Variants in EIF2B3 observed in about 807,000 individuals in gnomAD.
EIF2B3 encodes the protein translation initiation factor eIF2B subunit gamma.
Under a neutral mutation model 54.1 loss-of-function variants are expected in EIF2B3, and 20 were observed. That is an observed-to-expected ratio of 0.37 (90% confidence interval 0.26 to 0.54). The LOEUF is 0.54. Among genes scored for constraint, EIF2B3 ranks in the 20% least tolerant of loss-of-function variants. The probability of loss-of-function intolerance (pLI) is 0.86; values close to 1 mark genes in which losing one functional copy is unlikely to be tolerated. For synonymous variants in EIF2B3, 153 were observed against 188.1 expected, an observed-to-expected ratio of 0.81 and a Z score of 1.52; for missense variants, 448 against 547.8, an observed-to-expected ratio of 0.82 and a Z score of 1.82.
chr1:44,880,926 C>T (rs920269426), intron 7 of EIF2B3, among the ~76,000 whole-genome samples: 1 of 151,506 alleles, frequency 6.6e-6, no homozygotes, highest in Non-Finnish European at 1.5e-5. Context: ...GCGCCACTGC[C>T]CTCCAGCCTG....
chr1:44,962,122 G>A (rs1425234634), intron 3 of EIF2B3, among the ~76,000 whole-genome samples: 3 of 152,062 alleles, frequency 2.0e-5, no homozygotes, highest in African/African-American at 7.2e-5. Flanking sequence ...AACCTGGGAG[G>A]CAGAGGTTGC....
chr1:44,952,075 G>A (rs534604287), intron 3 of EIF2B3, among the ~76,000 whole-genome samples: 2 of 128,608 alleles, frequency 1.6e-5, no homozygotes, highest in South Asian at 5.1e-4. Context: ...CCATTCTCCT[G>A]CCTCAGCCTC....
chr1:44,957,101 C>G (rs1342858466), intron 3 of EIF2B3, among the ~76,000 whole-genome samples: 2 of 151,770 alleles, frequency 1.3e-5, no homozygotes, highest in Middle Eastern at 3.2e-3. Flanking sequence ...CCTGTCTCCA[C>G]AAAAAAGAAA....
intron 7 of EIF2B3, 152 bp from the exon 8 acceptor site, chr1:44,880,160 C>G (rs1057238925): frequency 3.8e-5 from 30 of 799,764 alleles, no homozygotes; most frequent in Non-Finnish European, 6.0e-5. Context: ...AAGGGATCCT[C>G]CCACCTCAGC....
chr1:44,865,590 T>C (rs536339545), intron 10 of EIF2B3, among the ~76,000 whole-genome samples: 62 of 152,222 alleles, frequency 4.1e-4, no homozygotes, highest in Non-Finnish European at 6.2e-4. Context: ...CAACTTTTTT[T>C]TTTTTTCCAA....
chr1:44,981,781 C>T (rs1644515983), intron 1 of EIF2B3, among the ~76,000 whole-genome samples: 1 of 151,556 alleles, frequency 6.6e-6, no homozygotes, highest in African/African-American at 2.4e-5. Flanking sequence ...ACCAAAAATA[C>T]AAAAAATTAG....
In EIF2B3 at chr1:44,874,836, G is replaced by A; in HGVS notation, c.1054-10C>T. On this transcript the variant is annotated splice_polypyrimidine_tract_variant and intron_variant, in intron 9 of 11. Coordinates refer to ENST00000360403, the MANE Select transcript of EIF2B3 (RefSeq NM_020365.5). The stretch of plus-strand genomic sequence containing the variant: ...GGCTGTCAACTCCAACCTGTAAAAG[G>A]CAAAATATAAAACTCTGTCCACCCA... 6.2e-7 allele frequency: 1 copy of A among 1,613,996 alleles called. No individual in the cohort carries two copies. Among genetic ancestry groups the A allele is most frequent in the Non-Finnish European group, 8.5e-7 (1 of 1,179,996 alleles).
At chr1:44,896,148 C>T (rs1655962448) in intron 6 of EIF2B3, among the ~76,000 whole-genome samples, 1 of 152,142 alleles carries the variant, frequency 6.6e-6, no homozygotes, top group Non-Finnish European at 1.5e-5. Context: ...TATCATTGAT[C>T]CCATGGTTGA....
At chr1:44,935,774 T>A (rs1194839052) in intron 4 of EIF2B3, among the ~76,000 whole-genome samples, 1 of 152,216 alleles carries the variant, frequency 6.6e-6, no homozygotes, top group Non-Finnish European at 1.5e-5. Flanking sequence ...CTGCTGGGAT[T>A]ATAGGCGTGA....
intron 4 of EIF2B3, chr1:44,932,273 A>ACCT (rs916488782): frequency 2.0e-5 from 3 of 152,336 alleles, no homozygotes; most frequent in African/African-American, 7.2e-5. Flanking sequence ...CCAGCACAGT[A>ACCT]AGACAAGAAA....
intron 5 of EIF2B3, among the ~76,000 whole-genome samples, chr1:44,920,693 A>C (rs941818952): frequency 3.3e-5 from 5 of 152,206 alleles, no homozygotes; most frequent in Non-Finnish European, 5.9e-5. Context: ...CTCCAGTTCC[A>C]TCCATGTTGT....
intron 8 of EIF2B3, among the ~76,000 whole-genome samples, chr1:44,877,759 T>C (rs893920927): frequency 1.3e-5 from 2 of 152,186 alleles, no homozygotes; most frequent in Non-Finnish European, 2.9e-5. Flanking sequence ...GTAGTGCGCC[T>C]GTCTATGATT....
intron 5 of EIF2B3, among the ~76,000 whole-genome samples, chr1:44,921,746 G>A (rs1557686452): frequency 6.6e-6 from 1 of 152,006 alleles, no homozygotes; most frequent in Admixed American, 6.6e-5. Context: ...ACTGACCTAT[G>A]TGTCTGTTTT....
intron 5 of EIF2B3, among the ~76,000 whole-genome samples, chr1:44,925,492 AG>A (rs1371328296): frequency 6.6e-6 from 1 of 152,192 alleles, no homozygotes; most frequent in Non-Finnish European, 1.5e-5. Flanking sequence ...GTGGGTAGCA[AG>A]GCCTTGCGGG....
chr1:44,875,547 G>A (rs970635438), intron 9 of EIF2B3, 71 bp downstream of exon 9: 7 of 1,464,596 alleles, frequency 4.8e-6, no homozygotes, highest in African/African-American at 2.8e-5. Flanking sequence ...GCCTCAATCC[G>A]GCTTCTCAAA....
intron 10 of EIF2B3, among the ~76,000 whole-genome samples, chr1:44,874,089 A>T (rs1655047373): frequency 6.7e-6 from 1 of 150,210 alleles, no homozygotes; most frequent in African/African-American, 2.5e-5. Flanking sequence ...GTTGGTGCTC[A>T]AAAGTTTCGG....
chr1:44,858,402 C>A (rs1654503740), intron 10 of EIF2B3, among the ~76,000 whole-genome samples: 1 of 152,048 alleles, frequency 6.6e-6, no homozygotes, highest in Admixed American at 6.6e-5. Context: ...CCTAGGACAT[C>A]AACTCTGGAA....
chr1:44,934,292 G>A (rs960655295), intron 4 of EIF2B3, among the ~76,000 whole-genome samples: 1 of 151,914 alleles, frequency 6.6e-6, no homozygotes, highest in African/African-American at 2.4e-5. Flanking sequence ...CAGCTACTCG[G>A]GAGGCTGAGG....
intron 3 of EIF2B3, among the ~76,000 whole-genome samples, chr1:44,953,261 A>C (rs1223040619): frequency 1.3e-5 from 2 of 149,318 alleles, no homozygotes; most frequent in Non-Finnish European, 3.0e-5. Context: ...CATTGAAAAA[A>C]AAGAAAAAAA....
Sources: gnomAD v4.1 joint callset for allele counts (sites outside exome capture counted in the v4.1 genomes callset) on GRCh38, gnomAD v4.1.1 for gene constraint, MANE v1.5 for transcripts, NCBI Gene and HGNC (gene_info 2026-07-23, HGNC 2026-07-21) for gene names.